Variants in GLI3 observed in about 807,000 individuals in gnomAD.
GLI3 encodes the protein GLI family zinc finger 3.
Under a neutral mutation model 100.8 loss-of-function variants are expected in GLI3, and 20 were observed. The observed-to-expected ratio is 0.20, with a 90% CI of 0.14 to 0.29. GLI3 has a LOEUF of 0.29. Among genes scored for constraint, GLI3 ranks in the 10% least tolerant of loss-of-function variants. The pLI is 1.00. For synonymous variants in GLI3, 938 were observed against 860.5 expected (o/e 1.09, Z -1.58); for missense variants, 2,040 against 2,128.5 (o/e 0.96, Z 0.82).
chr7:42,166,907 C>T (rs907904207), intron 2 of GLI3, among the ~76,000 whole-genome samples: 6 of 151,702 alleles, frequency 4.0e-5, no homozygotes, highest in African/African-American at 1.2e-4. Flanking sequence ...CTCACTGCAC[C>T]CTCTGCCTCC....
intron 3 of GLI3, among the ~76,000 whole-genome samples, chr7:42,114,868 A>G (rs1286128142): frequency 6.6e-6 from 1 of 151,550 alleles, no homozygotes; most frequent in East Asian, 2.0e-4. Context: ...CACTCAGCTA[A>G]TTTTTGTATT....
intron 1 of GLI3, among the ~76,000 whole-genome samples, chr7:42,253,534 T>C (rs926296844): frequency 6.6e-6 from 1 of 152,230 alleles, no homozygotes; most frequent in Non-Finnish European, 1.5e-5. Context: ...TATCTGTGAC[T>C]CATTCATGGC....
At chr7:42,139,901 G>A (rs972043052) in intron 3 of GLI3, among the ~76,000 whole-genome samples, 7 of 152,116 alleles carry the variant, frequency 4.6e-5, no homozygotes, top group Admixed American at 6.5e-5. Context: ...TATACAAAGG[G>A]CCATGGAACA....
chr7:41,962,975 C>T lies in GLI3; in HGVS notation c.*1355G>A, dbSNP rs1025906888. ...TGTATCAAATGCACGTGGGGAGTAG[C>T]TGCACTTCAAAAATCTTTAAATGTT... On this transcript the variant is annotated 3_prime_UTR_variant, in exon 15 of 15. Coordinates refer to ENST00000395925, the MANE Select transcript of GLI3 (RefSeq NM_000168.6). 6.6e-6 allele frequency: 1 copy of T among 152,150 alleles called. No individual in the cohort carries two copies. The highest frequency in any genetic ancestry group is 2.4e-5 in the African/African-American group (1 of 41,432). The allele number at this position is 152,150 out of a possible 1,614,324, so 9.4% of individuals were successfully genotyped here.
chr7:42,020,731 A>G (rs1370817682), intron 10 of GLI3, among the ~76,000 whole-genome samples: 1 of 152,094 alleles, frequency 6.6e-6, no homozygotes, highest in Non-Finnish European at 1.5e-5. Flanking sequence ...TCTACTAAAA[A>G]TACAAAAAAT....
At chr7:42,254,493 A>G (rs567023454) in intron 1 of GLI3, among the ~76,000 whole-genome samples, 1 of 152,346 alleles carries the variant, frequency 6.6e-6, no homozygotes, top group South Asian at 2.1e-4. Context: ...GTGGGAGAGC[A>G]TTTAAATGTG....
At chr7:42,198,487 T>C (rs1787974578) in intron 2 of GLI3, among the ~76,000 whole-genome samples, 1 of 152,100 alleles carries the variant, frequency 6.6e-6, no homozygotes, top group African/African-American at 2.4e-5. Flanking sequence ...GAGCCAATCC[T>C]GGGGATGCTG....
chr7:42,259,482 A>G (rs1301122038), intron 1 of GLI3, among the ~76,000 whole-genome samples: 2 of 152,174 alleles, frequency 1.3e-5, no homozygotes, highest in African/African-American at 2.4e-5. Flanking sequence ...AACAATTATA[A>G]TTTATTCTTT....
At chr7:42,100,921 T>G (rs1436186941) in intron 3 of GLI3, among the ~76,000 whole-genome samples, 1 of 152,154 alleles carries the variant, frequency 6.6e-6, no homozygotes, top group Admixed American at 6.5e-5. Flanking sequence ...TACCAATACC[T>G]TGATTTTGGA....
At chr7:42,048,201 G>A (rs1329707193) in intron 5 of GLI3, among the ~76,000 whole-genome samples, 1 of 152,214 alleles carries the variant, frequency 6.6e-6, no homozygotes, top group African/African-American at 2.4e-5. Context: ...TTGGGAATCA[G>A]AAACATTTTC....
intron 10 of GLI3, among the ~76,000 whole-genome samples, chr7:42,020,889 CAAAAAAAAAAAAAAAA>C (rs371389453): frequency 3.5e-5 from 4 of 113,120 alleles, no homozygotes; most frequent in Non-Finnish European, 1.8e-5. Flanking sequence ...GACTCCGTCT[CAAAAAAAAAAAAAAAA>C]AAAAAAAAAA....
chr7:42,167,331 A>G (rs1787266201), intron 2 of GLI3, among the ~76,000 whole-genome samples: 1 of 152,200 alleles, frequency 6.6e-6, no homozygotes, highest in Non-Finnish European at 1.5e-5. Context: ...CCTCTCTCCC[A>G]GCATTGATTT....
At chr7:42,008,807 C>A (rs930845276) in intron 10 of GLI3, among the ~76,000 whole-genome samples, 1 of 152,184 alleles carries the variant, frequency 6.6e-6, no homozygotes, top group African/African-American at 2.4e-5. Context: ...TGGAAACTAT[C>A]TTTGTCTTGT....
rs144983454 is a variant in GLI3 at position 42,175,574 on chromosome 7, T to A, written c.125-27106A>T. ...CAAAGGTTGCAGTGAGCTGAGATTG[T>A]GCCACTGCACTCCAGCCTGGGTGAC... On this transcript the variant is annotated intron_variant, in intron 2 of 14. Coordinates refer to ENST00000395925, the MANE Select transcript of GLI3 (RefSeq NM_000168.6). 3.5e-3 allele frequency among the ~76,000 whole-genome samples: 536 copies of A among 151,750 alleles called. 3 individuals are homozygous for A. Among genetic ancestry groups the A allele is most frequent in the African/African-American group, 0.012 (500 of 41,278 alleles).
intron 2 of GLI3, among the ~76,000 whole-genome samples, chr7:42,161,377 T>C (rs940632625): frequency 2.0e-5 from 3 of 152,236 alleles, no homozygotes; most frequent in African/African-American, 4.8e-5. Flanking sequence ...TGAGTAGTGA[T>C]AGAAACTAAA....
Position 42,198,175 on chromosome 7 carries a change from T to C in GLI3, c.124+24955A>G, listed in dbSNP as rs73688671. 5.4e-4 allele frequency among the ~76,000 whole-genome samples: 82 copies of C among 152,316 alleles called. 1 individual carries two copies. Among genetic ancestry groups the C allele is most frequent in the African/African-American group, 1.9e-3 (77 of 41,568 alleles). Reference sequence around the variant, plus strand: ...CCCTGTTCCAAGCACTGAGACACTATGTGAAGGACACAGGACAGGCTCATG... The same window carrying C: ...CCCTGTTCCAAGCACTGAGACACTACGTGAAGGACACAGGACAGGCTCATG... On this transcript the variant is annotated intron_variant, in intron 2 of 14. Transcript: ENST00000395925.
chr7:42,145,521 G>A lies in GLI3; in HGVS notation c.367+2705C>T, dbSNP rs79266390. On this transcript the variant is annotated intron_variant, in intron 3 of 14. Transcript: ENST00000395925. ...GAAGGCCACAGTGCACAGCTCTAAC[G>A]ACACCACAGTTACAGGTTTGCAGTT... 2,019 of 397,644 alleles carry A rather than the reference G, an allele frequency of 5.1e-3. 24 individuals carry two copies. The highest frequency in any genetic ancestry group is 0.029 in the African/African-American group (1,405 of 48,504). 24.6% of individuals were successfully genotyped at this position (397,644 alleles called of 1,614,324 possible). A position where few individuals can be genotyped will look rare whatever the true frequency, so the allele number is the denominator to read the frequency against.
chr7:41,986,398 AC>A (rs984066897), intron 10 of GLI3, among the ~76,000 whole-genome samples: 3 of 149,102 alleles, frequency 2.0e-5, no homozygotes, highest in Admixed American at 6.7e-5. Flanking sequence ...CTAAAATATG[AC>A]CCCCACCCCA....
chr7:42,015,374 T>A (rs1271425002), intron 10 of GLI3, among the ~76,000 whole-genome samples: 1 of 152,062 alleles, frequency 6.6e-6, no homozygotes, highest in Non-Finnish European at 1.5e-5. Context: ...CATTTACAGT[T>A]CTCTTCTCTT....
Sources: gnomAD v4.1 joint callset for allele counts (sites outside exome capture counted in the v4.1 genomes callset) on GRCh38, gnomAD v4.1.1 for gene constraint, MANE v1.5 for transcripts, NCBI Gene and HGNC (gene_info 2026-07-23, HGNC 2026-07-21) for gene names.